Variants in EPG5 observed in about 807,000 individuals in gnomAD.
EPG5 encodes ectopic P granules protein 5 homolog.
EPG5 carries 159 observed loss-of-function variants against 302.7 expected under a neutral mutation model. That is an observed-to-expected ratio of 0.53 (90% CI 0.46 to 0.60). The LOEUF (loss-of-function observed/expected upper bound fraction) is 0.60. EPG5 is among the 20% of genes least tolerant of loss of function. The pLI is 0.00. For missense variants in EPG5, 2,896 were observed against 3,092.4 expected (o/e 0.94, Z 1.51); for synonymous variants, 1,158 against 1,136.8 (o/e 1.02, Z -0.37).
At chr18:45,801,989 G>T in the EPG5 span, among the ~76,000 whole-genome samples, 3 of 151,774 alleles carry the variant, frequency 2.0e-5, no homozygotes, top group African/African-American at 7.3e-5. Flanking sequence ...GATGGCGGAA[G>T]GGTTGACAGG....
At chr18:45,802,585 C>G in the EPG5 span, among the ~76,000 whole-genome samples, 1 of 152,110 alleles carries the variant, frequency 6.6e-6, no homozygotes, top group Non-Finnish European at 1.5e-5. Context: ...CCAACCCCAC[C>G]CCAGTGCCCA....
the EPG5 span, among the ~76,000 whole-genome samples, chr18:45,804,293 A>G: frequency 6.6e-6 from 1 of 152,188 alleles, no homozygotes; most frequent in African/African-American, 2.4e-5. Flanking sequence ...AAAGGGTGGT[A>G]TTGAAAGGTC....
In EPG5 at chr18:45,876,282, C is replaced by A; in HGVS notation, c.6003G>T (p.Val2001=). The part of the protein sequence containing the change: ...ESDTVVASSI[V]QLFTDCIDSL... The stretch of plus-strand genomic sequence containing the variant: ...AGTCAATACAGTCAGTGAACAGCTG[C>A]ACAATGCTTGAGGCCACCACAGTAT... The change falls in exon 35 of 44, where the codon GTG becomes GTT. Residue 2001 remains valine, a synonymous_variant. Coordinates refer to ENST00000282041, the MANE Select transcript of EPG5 (RefSeq NM_020964.3). The A allele has an allele frequency of 6.2e-7, 1 of 1,614,126 alleles. No homozygotes were observed. Among genetic ancestry groups the A allele is most frequent in the South Asian group, 1.1e-5 (1 of 91,084 alleles).
intron 1 of EPG5, among the ~76,000 whole-genome samples, chr18:45,961,859 A>C (rs1412879787): frequency 9.3e-6 from 1 of 107,708 alleles, no homozygotes; most frequent in Non-Finnish European, 1.9e-5. Flanking sequence ...ACTCTGTCCC[A>C]AAAAAAAAAA....
At chr18:45,820,115 T>C in the EPG5 span, among the ~76,000 whole-genome samples, 2 of 151,892 alleles carry the variant, frequency 1.3e-5, no homozygotes, top group Admixed American at 1.3e-4. Context: ...ATGGATAGGG[T>C]AGAGGGAAAA....
chr18:45,805,557 T>G, the EPG5 span, among the ~76,000 whole-genome samples: 3 of 151,920 alleles, frequency 2.0e-5, no homozygotes, highest in South Asian at 2.1e-4. Context: ...AATTTCCAAT[T>G]AGCTAAAAAA....
Position 45,967,177 on chromosome 18 carries a change from C to T in EPG5, c.63G>A (p.Lys21=). The T allele has an allele frequency of 6.2e-7, 1 of 1,600,620 alleles. No individual in the cohort carries two copies. The highest frequency in any genetic ancestry group is 1.1e-5 in the South Asian group (1 of 88,700). ...TCGGGAGGGTGGGGGAGATCCTCAC[C>T]TTTGTTTTAGTCCGGCTGGCCTTGG... is the stretch of plus-strand genomic sequence containing the variant. ...AKAKASRTKT[K]EKKKYETPQR... is the part of the protein sequence containing the mutation. Residue 21 remains lysine (K), a splice_region_variant and synonymous_variant, in exon 1 of 44, where the codon AAG becomes AAA. Transcript: ENST00000282041.
In EPG5 at chr18:45,954,683, T is replaced by C; in HGVS notation, c.719A>G (p.Glu240Gly). ...LVAVKPLLRS[E>G]RLYPELPSQL... is the part of the protein sequence containing the mutation. ...AGACGGGAGTTCTGGGTAGAGTCGC[T>C]CACTGCGAAGCAAGGGTTTCACTGC... Residue 240 changes from glutamate to glycine, a missense_variant, in exon 2 of 44, where the codon GAG becomes GGG. Glu to Gly is a moderately conservative substitution (Grantham distance 98). Around this residue, in one of 5 missense-constraint regions of EPG5, gnomAD observed 1,390 missense variants for 1,430.0 expected, o/e 0.97. Coordinates refer to ENST00000282041, the MANE Select transcript of EPG5 (RefSeq NM_020964.3). 6.2e-7 allele frequency: 1 copy of C among 1,614,264 alleles called. No individual in the cohort carries two copies. The highest frequency in any genetic ancestry group is 8.5e-7 in the Non-Finnish European group (1 of 1,180,050).
chr18:45,882,184 C>A, intron 31 of EPG5, 90 bp downstream of exon 31: 1 of 1,161,772 alleles, frequency 8.6e-7, no homozygotes, highest in Admixed American at 2.0e-5. Context: ...GTATTACTTT[C>A]ATATCTTTGA....
chr18:45,868,826 C>T (rs1398175447), intron 36 of EPG5, among the ~76,000 whole-genome samples: 1 of 151,474 alleles, frequency 6.6e-6, no homozygotes, highest in East Asian at 2.0e-4. Context: ...GAGGCCAAGG[C>T]AGGTGGATCA....
intron 42 of EPG5, chr18:45,857,648 A>T: frequency 1.9e-6 from 1 of 531,272 alleles, no homozygotes; most frequent in African/African-American, 1.9e-5. Flanking sequence ...AATTTTTTTT[A>T]AAGGTAAGAA....
Position 45,880,233 on chromosome 18 carries a change from G to C in EPG5, c.5519-10C>G, listed in dbSNP as rs1168136259. ...AGCTGCTCCGCGGAGCCTGCCAGCA[G>C]GGACAGGAAGAGCAAGTCAGTGGCT... On this transcript the variant is annotated splice_polypyrimidine_tract_variant and intron_variant, in intron 31 of 43. Transcript: ENST00000282041. 5 of 1,573,362 alleles carry C rather than the reference G, an allele frequency of 3.2e-6. No individual in the cohort carries two copies. The highest frequency in any genetic ancestry group is 4.3e-6 in the Non-Finnish European group (5 of 1,159,152).
rs2049598548 is a variant in EPG5 at position 45,900,894 on chromosome 18, A to T, written c.4646+102T>A. 1.5e-5 allele frequency: 20 copies of T among 1,323,422 alleles called. No homozygotes were observed. In the Admixed American group the frequency reaches 4.2e-4, roughly 28 times the overall value. 82.0% of individuals were successfully genotyped at this position (1,323,422 alleles called of 1,614,324 possible). ...GGGCCAGGTTGGTCAAACTATCCTC[A>T]TTGTAAAAATGCTGACAAGGAAGCC... On this transcript the variant is annotated intron_variant, in intron 26 of 43. Transcript: ENST00000282041.
At chr18:45,943,471 A>T (rs965038657) in intron 8 of EPG5, among the ~76,000 whole-genome samples, 160 bp from the exon 9 acceptor site, 3 of 152,146 alleles carry the variant, frequency 2.0e-5, no homozygotes, top group Non-Finnish European at 2.9e-5. Flanking sequence ...ATGGGAAAAA[A>T]CTTGAGACAA....
intron 10 of EPG5, 23 bp downstream of exon 10, chr18:45,939,577 A>G (rs973969041): frequency 2.5e-6 from 4 of 1,611,750 alleles, no homozygotes; most frequent in Admixed American, 3.3e-5. Flanking sequence ...TTCTCACTAA[A>G]TATCATCATA....
At chr18:45,905,226 C>A (rs751235467) in intron 24 of EPG5, among the ~76,000 whole-genome samples, 2 of 152,108 alleles carry the variant, frequency 1.3e-5, no homozygotes, top group Non-Finnish European at 2.9e-5. Flanking sequence ...GTCAAATTAT[C>A]AATGAACTTT....
chr18:45,900,011 G>A (rs2049570838), intron 26 of EPG5, among the ~76,000 whole-genome samples: 1 of 152,204 alleles, frequency 6.6e-6, no homozygotes, highest in Non-Finnish European at 1.5e-5. Flanking sequence ...CTAACGGTAT[G>A]TATCATTACA....
intron 20 of EPG5, 24 bp from the exon 21 acceptor site, chr18:45,913,852 G>C: frequency 6.2e-7 from 1 of 1,609,738 alleles, no homozygotes; most frequent in Non-Finnish European, 8.5e-7. Context: ...AGATAAAGGG[G>C]AGGGGAAGGA....
chr18:45,854,922 A>T (rs554926693), intron 43 of EPG5, among the ~76,000 whole-genome samples: 1 of 152,334 alleles, frequency 6.6e-6, no homozygotes, highest in Admixed American at 6.5e-5. Context: ...TTAAAGCTTT[A>T]ACTCACTAAT....
Sources: gnomAD v4.1 joint callset for allele counts (sites outside exome capture counted in the v4.1 genomes callset) on GRCh38, gnomAD v4.1.1 for gene constraint, gnomAD v4.1.1 regional missense constraint, MANE v1.5 for transcripts, NCBI Gene and HGNC (gene_info 2026-07-23, HGNC 2026-07-21) for gene names.